NXPE4: variants seen among roughly 807,000 people sequenced by gnomAD.
NXPE4 encodes NXPE family member 4.
A neutral mutation model predicts 33.3 loss-of-function variants in NXPE4; 42 were observed. The ratio of observed to expected loss-of-function variants is 1.26; its 90% CI spans 0.98 to 1.63. The LOEUF is 1.63. Among genes scored for constraint, NXPE4 ranks in the 40% most tolerant of loss-of-function variants. NXPE4 has a pLI of 0.00. For synonymous variants in NXPE4, 253 were observed against 234.9 expected, an observed-to-expected ratio of 1.08 and a Z score of -0.71; for missense variants, 709 against 647.6, an observed-to-expected ratio of 1.09 and a Z score of -1.03.
chr11:114,629,157 C>T, the NXPE4 span, among the ~76,000 whole-genome samples: 3 of 152,084 alleles, frequency 2.0e-5, no homozygotes, highest in Non-Finnish European at 4.4e-5. Flanking sequence ...AGGGAACCCT[C>T]CCTAACTCAT....
the NXPE4 span, among the ~76,000 whole-genome samples, chr11:114,641,869 G>A: frequency 1.3e-5 from 2 of 152,014 alleles, no homozygotes; most frequent in Non-Finnish European, 1.5e-5. Flanking sequence ...GAATAAAACA[G>A]GATACACATC....
At position 114,581,804 on chromosome 11, in the gene NXPE4, A is replaced by G; in HGVS notation, c.831-18T>C. 6.3e-7 allele frequency: 1 copy of G among 1,577,444 alleles called. No individual in the cohort carries two copies. Among genetic ancestry groups the G allele is most frequent in the Non-Finnish European group, 8.7e-7 (1 of 1,151,994 alleles). ...CATTTGACCTTAAAGACACAAATAC[A>G]GAAATTAATCTGTAGGTGGCCTCAA... is the stretch of plus-strand genomic sequence containing the variant. On this transcript the variant is annotated intron_variant, in intron 3 of 5. Coordinates refer to ENST00000375478, the MANE Select transcript of NXPE4 (RefSeq NM_001077639.2).
chr11:114,622,744 A>G, the NXPE4 span, among the ~76,000 whole-genome samples: 1 of 151,108 alleles, frequency 6.6e-6, no homozygotes, highest in African/African-American at 2.4e-5. Context: ...AACCACTGTT[A>G]CCCAGCGGAT....
chr11:114,643,879 T>C, the NXPE4 span, among the ~76,000 whole-genome samples: 1 of 152,208 alleles, frequency 6.6e-6, no homozygotes, highest in Non-Finnish European at 1.5e-5. Context: ...ATGATATTAA[T>C]TCTTCCTATT....
the NXPE4 span, among the ~76,000 whole-genome samples, chr11:114,610,281 T>C: frequency 6.6e-6 from 1 of 151,844 alleles, no homozygotes; most frequent in Non-Finnish European, 1.5e-5. Flanking sequence ...GCCTACCCGG[T>C]GGATAATAAG....
rs114870261 is a variant in NXPE4 at position 114,582,372 on chromosome 11, A to G, written c.746T>C (p.Met249Thr). ...CATGTGAGTGAGTGCAGCACAGGGC[A>G]TGTGTTGAGGCCTCACACAGTAGAA... ...EGFYCVRPQHMPCAALTHMYS... is the reference protein window; with the variant it reads ...EGFYCVRPQHTPCAALTHMYS... Residue 249 changes from methionine (M) to threonine (T), a missense_variant, in exon 3 of 6, where the codon ATG becomes ACG. Met to Thr is a moderately conservative substitution (Grantham distance 81, BLOSUM62 -1). Coordinates refer to ENST00000375478, the MANE Select transcript of NXPE4 (RefSeq NM_001077639.2). 1.0e-3 allele frequency: 1,664 copies of G among 1,614,130 alleles called. 13 individuals carry two copies. The African/African-American group carries it at 0.016, about 15-fold the overall frequency.
chr11:114,600,760 TA>T (rs1949628864), upstream of NXPE4, among the ~76,000 whole-genome samples: 1 of 152,106 alleles, frequency 6.6e-6, no homozygotes, highest in South Asian at 2.1e-4. Flanking sequence ...GTACCAATGT[TA>T]ATTTCTTAAT....
chr11:114,584,535 G>C (rs139030494), intron 2 of NXPE4: 1,729 of 166,084 alleles, frequency 0.01, 13 homozygotes, highest in Non-Finnish European at 0.016. Flanking sequence ...TGAGGAGGGA[G>C]AGCGTGGCTG....
chr11:114,573,686 A>G (rs1441474467), intron 5 of NXPE4, among the ~76,000 whole-genome samples: 2 of 152,130 alleles, frequency 1.3e-5, no homozygotes, highest in Admixed American at 6.6e-5. Context: ...ATATATATGC[A>G]TCTAACACTG....
the NXPE4 span, among the ~76,000 whole-genome samples, chr11:114,672,024 A>C: frequency 6.6e-6 from 1 of 152,032 alleles, no homozygotes; most frequent in Non-Finnish European, 1.5e-5. Flanking sequence ...AAGGGAAGCA[A>C]GCACATCTTC....
the NXPE4 span, among the ~76,000 whole-genome samples, chr11:114,617,507 C>T: frequency 1.3e-4 from 19 of 151,802 alleles, no homozygotes; most frequent in South Asian, 2.1e-4. Flanking sequence ...CACTGTTAAC[C>T]GGTGGATAAT....
At chr11:114,655,081 G>C in the NXPE4 span, among the ~76,000 whole-genome samples, 2 of 152,098 alleles carry the variant, frequency 1.3e-5, no homozygotes, top group Non-Finnish European at 2.9e-5. Context: ...GTGATAATGA[G>C]CTTTTTTTTC....
the NXPE4 span, among the ~76,000 whole-genome samples, chr11:114,660,889 C>A: frequency 6.6e-6 from 1 of 152,030 alleles, no homozygotes; most frequent in Non-Finnish European, 1.5e-5. Flanking sequence ...TTAGTGTCAG[C>A]AAGATTATAA....
the NXPE4 span, among the ~76,000 whole-genome samples, chr11:114,617,144 G>T: frequency 6.7e-6 from 1 of 149,422 alleles, no homozygotes; most frequent in East Asian, 2.0e-4. Flanking sequence ...GATAATAAGT[G>T]ACGTTTTGTG....
At chr11:114,658,953 T>G in the NXPE4 span, among the ~76,000 whole-genome samples, 17 of 152,100 alleles carry the variant, frequency 1.1e-4, no homozygotes, top group Non-Finnish European at 2.1e-4. Context: ...AGAGGCTCTT[T>G]CTGGGACATT....
the NXPE4 span, among the ~76,000 whole-genome samples, chr11:114,632,239 T>C: frequency 1.4e-5 from 2 of 140,192 alleles, no homozygotes; most frequent in Admixed American, 7.7e-5. Context: ...ATAATATATA[T>C]GTATATGTGT....
chr11:114,675,648 T>A, the NXPE4 span, among the ~76,000 whole-genome samples: 1 of 152,004 alleles, frequency 6.6e-6, no homozygotes, highest in South Asian at 2.1e-4. Context: ...TTAGAAAAAT[T>A]AATATTGTTA....
the NXPE4 span, among the ~76,000 whole-genome samples, chr11:114,613,108 C>T: frequency 2.0e-5 from 3 of 151,444 alleles, no homozygotes; most frequent in Non-Finnish European, 2.9e-5. Flanking sequence ...TCCCAGGTAA[C>T]CACTGTAACC....
the NXPE4 span, among the ~76,000 whole-genome samples, chr11:114,623,698 C>G: frequency 6.6e-6 from 1 of 152,118 alleles, no homozygotes; most frequent in South Asian, 2.1e-4. Context: ...CGTGGGAAAA[C>G]AGTGTTACCC....
Sources: gnomAD v4.1 joint callset for allele counts (sites outside exome capture counted in the v4.1 genomes callset) on GRCh38, gnomAD v4.1.1 for gene constraint, MANE v1.5 for transcripts, NCBI Gene and HGNC (gene_info 2026-07-23, HGNC 2026-07-21) for gene names.